HIC2: variants seen among roughly 807,000 people sequenced by gnomAD.
The protein encoded by HIC2 is hypermethylated in cancer 2 protein.
HIC2 carries 2 observed loss-of-function variants against 39.5 expected under a neutral mutation model. The observed-to-expected ratio is 0.05, with a 90% CI of 0.02 to 0.16. HIC2 has a LOEUF of 0.16. HIC2 is among the 10% of genes least tolerant of loss of function. The pLI is 1.00. For missense variants in HIC2, 713 were observed against 863.5 expected (o/e 0.83, Z 2.18); for synonymous variants, 399 against 368.8 (o/e 1.08, Z -0.94).
chr22:21,417,922 G>C (rs1354163974), intron 1 of HIC2, among the ~76,000 whole-genome samples: 1 of 148,406 alleles, frequency 6.7e-6, no homozygotes, highest in Non-Finnish European at 1.5e-5. Flanking sequence ...GAACAGCGTC[G>C]GGCGAGCTGC....
rs1160458494 is a variant in HIC2, at chr22:21,449,332, G to A, written c.*2589G>A. 6.6e-6 allele frequency: 1 copy of A among 152,574 alleles called. No homozygotes were observed. The highest frequency in any genetic ancestry group is 1.5e-5 in the Non-Finnish European group (1 of 68,038). 9.5% of individuals were successfully genotyped at this position (152,574 alleles called of 1,614,324 possible). ...AGGCCAAGGCGGCTTACAGTTCTCT[G>A]CGTTCGTCACTTAATTCCTGAATGT... On this transcript the variant is annotated 3_prime_UTR_variant, in exon 3 of 3. Coordinates refer to ENST00000407464, the MANE Select transcript of HIC2 (RefSeq NM_015094.3).
intron 2 of HIC2, among the ~76,000 whole-genome samples, chr22:21,443,718 C>T (rs1179489262): frequency 1.3e-5 from 2 of 152,250 alleles, no homozygotes; most frequent in Non-Finnish European, 2.9e-5. Flanking sequence ...ATGCCTTCCC[C>T]AGCACCCTCC....
At position 21,449,798 on chromosome 22, in the gene HIC2, C is replaced by G. The variant is rs1924065682; in HGVS notation, c.*3055C>G. On this transcript the variant is annotated 3_prime_UTR_variant, in exon 3 of 3. Transcript: ENST00000407464. ...CGTGCTGACCAGCCCCCAAGGCCCTCTGGCCGGACCATGCTGGTCCTGACC... is the reference window on the plus strand; with the variant it reads ...CGTGCTGACCAGCCCCCAAGGCCCTGTGGCCGGACCATGCTGGTCCTGACC... 1.3e-5 allele frequency: 2 copies of G among 152,760 alleles called. No individual in the cohort carries two copies. Among genetic ancestry groups the G allele is most frequent in the Admixed American group, 6.5e-5 (1 of 15,292 alleles). 9.5% of individuals were successfully genotyped at this position (152,760 alleles called of 1,614,324 possible). A position where few individuals can be genotyped will look rare whatever the true frequency, so the allele number is the denominator to read the frequency against.
Position 21,444,946 on chromosome 22 carries a change from G to T in HIC2, c.51G>T (p.Gly17=), listed in dbSNP as rs886840966. The T allele has an allele frequency of 2.0e-5, 32 of 1,612,812 alleles. No individual in the cohort carries two copies. The highest frequency in any genetic ancestry group is 5.0e-5 in the Admixed American group (3 of 60,002). ...ALRWCAWAGR[G]DMGPDMELPS... ...GGTGGTGCGCGTGGGCAGGGCGCGG[G>T]GACATGGGGCCCGACATGGAGCTGC... The change falls in exon 3 of 3, where the codon GGG becomes GGT. Residue 17 remains glycine, a synonymous_variant. Coordinates refer to ENST00000407464, the MANE Select transcript of HIC2 (RefSeq NM_015094.3).
chr22:21,432,143 T>G, intron 1 of HIC2, among the ~76,000 whole-genome samples: 1 of 77,418 alleles, frequency 1.3e-5, no homozygotes, highest in Non-Finnish European at 2.4e-5. Flanking sequence ...GGCTGTTTCC[T>G]TCTCCCAGCG....
intron 1 of HIC2, among the ~76,000 whole-genome samples, chr22:21,417,947 G>A (rs1201272037): frequency 2.0e-5 from 3 of 147,940 alleles, no homozygotes; most frequent in Non-Finnish European, 3.0e-5. Context: ...CCTGACAGGC[G>A]GGAGGGCTCC....
At position 21,444,991 on chromosome 22, in the gene HIC2, C is replaced by T. The variant is rs746278223; in HGVS notation, c.96C>T (p.Leu32=). ...AGCTGCCCAGCCACTCGAAGCAGCT[C>T]CTGCTGCAGCTGAACCAGCAGAGGA... The part of the protein sequence containing the change: ...DMELPSHSKQ[L]LLQLNQQRTK... Residue 32 remains leucine, a synonymous_variant, in exon 3 of 3, where the codon CTC becomes CTT. Transcript: ENST00000407464. 8 of 1,613,860 alleles carry T rather than the reference C, an allele frequency of 5.0e-6. No individual in the cohort carries two copies. The East Asian group carries it at 1.8e-4, about 36-fold the overall frequency.
chr22:21,443,044 C>T (rs971071668), intron 2 of HIC2, among the ~76,000 whole-genome samples, 187 bp downstream of exon 2: 2 of 152,192 alleles, frequency 1.3e-5, no homozygotes, highest in African/African-American at 4.8e-5. Context: ...TCTCGGGGTA[C>T]CAGGTGTCTG....
chr22:21,445,120 C>G lies in HIC2; in HGVS notation c.225C>G (p.Val75=), dbSNP rs1358300750. ...GCAGCATCTATTTCAAGTCCCTGGT[C>G]CTGCACGACAACCTCATCAACCTGG... ...AASSIYFKSL[V]LHDNLINLDT... Residue 75 remains valine (V), a synonymous_variant, in exon 3 of 3, where the codon GTC becomes GTG. Coordinates refer to ENST00000407464, the MANE Select transcript of HIC2 (RefSeq NM_015094.3). 1 of 1,614,220 alleles carries G rather than the reference C, an allele frequency of 6.2e-7. No homozygotes were observed. Among genetic ancestry groups the G allele is most frequent in the South Asian group, 1.1e-5 (1 of 91,090 alleles).
At position 21,445,580 on chromosome 22, in the gene HIC2, GGCT is replaced by G; in HGVS notation, c.688_690del (p.Cys230del). On this transcript the variant is annotated inframe_deletion, in exon 3 of 3. Coordinates refer to ENST00000407464, the MANE Select transcript of HIC2 (RefSeq NM_015094.3). Reference sequence around the variant, plus strand: ...AGCTGGCGGGGAGGCGGGTCTGGGGGGCTGCAGCAGCAGCACCAACGGGAGCAG... The same window carrying G: ...AGCTGGCGGGGAGGCGGGTCTGGGGGGCAGCAGCAGCACCAACGGGAGCAG... 1 of 1,587,448 alleles carries G rather than the reference GGCT, an allele frequency of 6.3e-7. No individual in the cohort carries two copies. Among genetic ancestry groups the G allele is most frequent in the Non-Finnish European group, 8.6e-7 (1 of 1,168,684 alleles).
chr22:21,450,636 C>T lies in HIC2; in HGVS notation c.*3893C>T, dbSNP rs1325630617. On this transcript the variant is annotated 3_prime_UTR_variant, in exon 3 of 3. Transcript: ENST00000407464. ...TGCCAGGCCTTAGAGCAGACAAGGG[C>T]TCTCAGCCCTGGCATGCCCCCTAAA... is the stretch of plus-strand genomic sequence containing the variant. The T allele has an allele frequency of 6.5e-6, 1 of 152,760 alleles. No homozygotes were observed. The highest frequency in any genetic ancestry group is 1.5e-5 in the Non-Finnish European group (1 of 68,060). 9.5% of individuals were successfully genotyped at this position (152,760 alleles called of 1,614,324 possible). A position where few individuals can be genotyped will look rare whatever the true frequency, so the allele number is the denominator to read the frequency against.
rs1033522489 is a variant in HIC2 at position 21,450,985 on chromosome 22, G to T, written c.*4242G>T. 3 of 152,788 alleles carry T rather than the reference G, an allele frequency of 2.0e-5. No individual in the cohort carries two copies. The highest frequency in any genetic ancestry group is 7.2e-5 in the African/African-American group (3 of 41,446). 9.5% of individuals were successfully genotyped at this position (152,788 alleles called of 1,614,324 possible). Reference sequence around the variant, plus strand: ...CACTGGGGCAGGGAGGATCCCCAGGGCTCCCACCCTCCACTTGGCGGGCCC... The same window carrying T: ...CACTGGGGCAGGGAGGATCCCCAGGTCTCCCACCCTCCACTTGGCGGGCCC... On this transcript the variant is annotated 3_prime_UTR_variant, in exon 3 of 3. Transcript: ENST00000407464.
chr22:21,438,164 C>T (rs1365703131), intron 1 of HIC2, among the ~76,000 whole-genome samples: 4 of 152,280 alleles, frequency 2.6e-5, no homozygotes, highest in Non-Finnish European at 5.9e-5. Flanking sequence ...CCAGAAGTTT[C>T]AGTCTGAAGG....
At chr22:21,444,439 A>G (rs1476140984) in intron 2 of HIC2, among the ~76,000 whole-genome samples, 1 of 152,226 alleles carries the variant, frequency 6.6e-6, no homozygotes, top group Non-Finnish European at 1.5e-5. Flanking sequence ...GCCCTGCCGT[A>G]TTTCAAAAGG....
At position 21,446,588 on chromosome 22, in the gene HIC2, G is replaced by A; in HGVS notation, c.1693G>A (p.Glu565Lys). 3 of 1,613,658 alleles carry A rather than the reference G, an allele frequency of 1.9e-6. No homozygotes were observed. Among genetic ancestry groups the A allele is most frequent in the Non-Finnish European group, 2.5e-6 (3 of 1,180,028 alleles). The change falls in exon 3 of 3, where the codon GAG (glutamate) becomes AAG (lysine). Residue 565 changes from glutamate (E) to lysine (K), a missense_variant. Around this residue, in one of 5 missense-constraint regions of HIC2, gnomAD observed 40 missense variants for 124.4 expected, o/e 0.32. Coordinates refer to ENST00000407464, the MANE Select transcript of HIC2 (RefSeq NM_015094.3). ...GGGCCTGAAGCCCTTCGCCTGCGAT[G>A]AGTGTGGCATGCGCTTCACCCGTCA... ...HLGLKPFACD[E>K]CGMRFTRQYR...
rs772378457 is a variant in HIC2, at chr22:21,445,424, G to C, written c.529G>C (p.Gly177Arg). ...CTCTGTCATCCAAGCTCGGTATCAG[G>C]GGCTCGTGGATGGGCGCAAGGGGGC... Reference protein sequence around the residue: ...TASVIQARYQGLVDGRKGAHA... With the variant: ...TASVIQARYQRLVDGRKGAHA... Residue 177 changes from glycine to arginine, a missense_variant, in exon 3 of 3, where the codon GGG becomes CGG. Transcript: ENST00000407464. 6.5e-7 allele frequency: 1 copy of C among 1,529,730 alleles called. No individual in the cohort carries two copies. The highest frequency in any genetic ancestry group is 1.3e-5 in the South Asian group (1 of 76,792). The allele number at this position is 1,529,730 out of a possible 1,614,324, so 94.8% of individuals were successfully genotyped here. A position where few individuals can be genotyped will look rare whatever the true frequency, so the allele number is the denominator to read the frequency against.
chr22:21,430,894 T>C (rs1233980499), intron 1 of HIC2, among the ~76,000 whole-genome samples: 15 of 92,846 alleles, frequency 1.6e-4, no homozygotes, highest in African/African-American at 6.4e-4. Flanking sequence ...CAAAGGTAAA[T>C]TACATGTATA....
Position 21,446,828 on chromosome 22 carries a change from C to A in HIC2, c.*85C>A. The A allele has an allele frequency of 6.6e-7, 1 of 1,513,708 alleles. No individual in the cohort carries two copies. The highest frequency in any genetic ancestry group is 1.3e-5 in the South Asian group (1 of 76,782). 93.8% of individuals were successfully genotyped at this position (1,513,708 alleles called of 1,614,324 possible). A position where few individuals can be genotyped will look rare whatever the true frequency, so the allele number is the denominator to read the frequency against. On this transcript the variant is annotated 3_prime_UTR_variant, in exon 3 of 3. Transcript: ENST00000407464. ...AAGCGAGGTGATGCAGCAGCAGGGGCAAGACCCTGGGTCCAGTGGAGGCTC... is the reference window on the plus strand; with the variant it reads ...AAGCGAGGTGATGCAGCAGCAGGGGAAAGACCCTGGGTCCAGTGGAGGCTC...
At position 21,446,001 on chromosome 22, in the gene HIC2, T is replaced by C; in HGVS notation, c.1106T>C (p.Val369Ala). The change falls in exon 3 of 3, where the codon GTC (valine) becomes GCC (alanine). Residue 369 changes from valine to alanine, a missense_variant. This residue lies in a region of HIC2 where 457 missense variants were observed against 420.2 expected (regional missense o/e 1.09). Coordinates refer to ENST00000407464, the MANE Select transcript of HIC2 (RefSeq NM_015094.3). ...TGCCCGGGAGAGGAGGGTGAGGGGG[T>C]CGGGGACAGGGTTCCCAATGGCATC... ...GPCPGEEGEG[V>A]GDRVPNGILA... 2.6e-6 allele frequency: 4 copies of C among 1,566,966 alleles called. No individual in the cohort carries two copies. Among genetic ancestry groups the C allele is most frequent in the Non-Finnish European group, 3.5e-6 (4 of 1,157,968 alleles).
Sources: allele counts gnomAD v4.1 joint callset (sites outside exome capture counted in the v4.1 genomes callset), GRCh38; gene constraint gnomAD v4.1.1; regional missense constraint gnomAD v4.1.1; transcripts MANE v1.5; gene names NCBI Gene and HGNC (gene_info 2026-07-23, HGNC 2026-07-21).